PKHD1: variants seen among roughly 807,000 people sequenced by gnomAD.
PKHD1 encodes fibrocystin.
A neutral mutation model predicts 412.0 loss-of-function variants in PKHD1; 291 were observed. That is an observed-to-expected ratio of 0.71 (90% CI 0.64 to 0.78). PKHD1 has a LOEUF of 0.78. Among genes scored for constraint, PKHD1 ranks in the 30% least tolerant of loss-of-function variants. The pLI is 0.00. For synonymous variants in PKHD1, 1,777 were observed against 1,821.5 expected (o/e 0.98, Z 0.62); for missense variants, 4,825 against 4,950.7 (o/e 0.97, Z 0.76).
intron 52 of PKHD1, among the ~76,000 whole-genome samples, chr6:51,827,760 C>A (rs1462779989): frequency 6.6e-6 from 1 of 152,070 alleles, no homozygotes; most frequent in African/African-American, 2.4e-5. Context: ...TGGAACTTGA[C>A]TTTGGGTTCC....
chr6:51,933,971 T>C (rs963192311), intron 37 of PKHD1, 139 bp downstream of exon 37: 1 of 709,554 alleles, frequency 1.4e-6, no homozygotes, highest in African/African-American at 1.7e-5. Flanking sequence ...GTTTTACTTG[T>C]TATTTAAGGA....
chr6:51,907,308 C>A (rs1583309224), intron 40 of PKHD1, among the ~76,000 whole-genome samples: 1 of 152,126 alleles, frequency 6.6e-6, no homozygotes, highest in East Asian at 1.9e-4. Context: ...CCAAAAAATT[C>A]TAAACTTTAA....
chr6:51,983,639 A>G (rs1000121607), intron 35 of PKHD1, among the ~76,000 whole-genome samples: 16 of 152,248 alleles, frequency 1.1e-4, no homozygotes, highest in African/African-American at 3.9e-4. Flanking sequence ...TGAAGAAAGC[A>G]GGGGGAGGAA....
At chr6:51,968,241 A>AT (rs1279107184) in intron 35 of PKHD1, among the ~76,000 whole-genome samples, 1 of 152,148 alleles carries the variant, frequency 6.6e-6, no homozygotes, top group Non-Finnish European at 1.5e-5. Context: ...GCAAAAAAAA[A>AT]TTTTTTTACA....
chr6:51,922,006 G>T (rs546172273), intron 37 of PKHD1, among the ~76,000 whole-genome samples: 8 of 152,320 alleles, frequency 5.3e-5, no homozygotes, highest in African/African-American at 1.9e-4. Flanking sequence ...GAGGAGAAGA[G>T]GCACTCTGAT....
chr6:51,672,263 C>T (rs1252039066), intron 60 of PKHD1, among the ~76,000 whole-genome samples: 2 of 152,060 alleles, frequency 1.3e-5, no homozygotes, highest in African/African-American at 4.8e-5. Flanking sequence ...CCTACTAAGC[C>T]CAAATCAAAT....
In PKHD1 at chr6:51,807,456, AAAAT is replaced by A. The variant is rs1375100063; in HGVS notation, c.8303-16087_8303-16084del. ...CTGTCTCAAAAAAAAAAAAAAAAAA[AAAAT>A]ATATATATATATATATATATGTATA... On this transcript the variant is annotated intron_variant, in intron 52 of 66. Coordinates refer to ENST00000371117, the MANE Select transcript of PKHD1 (RefSeq NM_138694.4). Among the ~76,000 whole-genome samples the A allele has an allele frequency of 2.8e-4, 13 of 47,182 alleles. 2 individuals carry two copies. Among genetic ancestry groups the A allele is most frequent in the African/African-American group, 9.7e-4 (13 of 13,436 alleles). 31.0% of individuals were successfully genotyped at this position (47,182 alleles called of 152,430 possible). A position where few individuals can be genotyped will look rare whatever the true frequency, so the allele number is the denominator to read the frequency against.
chr6:51,654,514 T>C (rs1330764218), intron 61 of PKHD1, among the ~76,000 whole-genome samples: 1 of 152,094 alleles, frequency 6.6e-6, no homozygotes, highest in Non-Finnish European at 1.5e-5. Context: ...TCACTATGTG[T>C]ACAAATAATT....
intron 52 of PKHD1, among the ~76,000 whole-genome samples, chr6:51,804,441 A>G (rs922571884): frequency 6.7e-6 from 1 of 148,384 alleles, no homozygotes; most frequent in Non-Finnish European, 1.5e-5. Context: ...CATAAAAGGC[A>G]TTCAATTATC....
chr6:51,685,567 T>C (rs374672349), intron 60 of PKHD1, among the ~76,000 whole-genome samples: 3 of 152,252 alleles, frequency 2.0e-5, no homozygotes, highest in African/African-American at 7.2e-5. Flanking sequence ...TATCCCAGTG[T>C]TTCTGAGATT....
chr6:51,659,220 G>A lies in PKHD1; in HGVS notation c.10906C>T (p.Gln3636Ter), dbSNP rs765934021. 6.2e-6 allele frequency: 10 copies of A among 1,613,816 alleles called. No individual in the cohort carries two copies. The South Asian group carries it at 7.7e-5, about 12-fold the overall frequency. ...ATTTCCATCATGAGAGGCCTACGTT[G>A]ACCAACTCTTCTATAATGACTAGTG... ...TCTSHYRRVG[Q>*]RRPLMMEMNS... The change falls in exon 61 of 67, where the codon CAA becomes TAA. Residue 3636 changes from glutamine to a stop codon, truncating the protein, a stop_gained. Transcript: ENST00000371117. LOFTEE classifies it high-confidence loss of function.
At chr6:51,652,226 G>T (rs1365203489) in intron 61 of PKHD1, among the ~76,000 whole-genome samples, 1 of 151,912 alleles carries the variant, frequency 6.6e-6, no homozygotes, top group Non-Finnish European at 1.5e-5. Context: ...GGCTATAGGA[G>T]AAAAGTCAAG....
chr6:51,783,224 G>A (rs1461909218), intron 53 of PKHD1, among the ~76,000 whole-genome samples: 1 of 152,060 alleles, frequency 6.6e-6, no homozygotes, highest in African/African-American at 2.4e-5. Context: ...ACAATGAACT[G>A]CTGTGTCCCC....
At chr6:52,071,123 G>A in intron 8 of PKHD1, 53 bp from the exon 9 acceptor site, 1 of 1,188,846 alleles carries the variant, frequency 8.4e-7, no homozygotes. Flanking sequence ...ACTACCAGAA[G>A]ATCTGACTCT....
intron 60 of PKHD1, among the ~76,000 whole-genome samples, chr6:51,671,788 T>A (rs1014355042): frequency 4.6e-5 from 7 of 152,132 alleles, no homozygotes; most frequent in Non-Finnish European, 7.4e-5. Context: ...CAGCTGCAGG[T>A]CTGTTGGGGT....
chr6:52,048,082 GCCACCA>G (rs1806148471), intron 23 of PKHD1, among the ~76,000 whole-genome samples: 1 of 152,194 alleles, frequency 6.6e-6, no homozygotes, highest in African/African-American at 2.4e-5. Flanking sequence ...AGACATGCTA[GCCACCA>G]CCAGAAGCCA....
intron 53 of PKHD1, among the ~76,000 whole-genome samples, chr6:51,776,408 T>C (rs771469215): frequency 1.3e-5 from 2 of 152,034 alleles, no homozygotes; most frequent in Non-Finnish European, 2.9e-5. Context: ...CTGAATAGAA[T>C]GCACAAGCTG....
chr6:52,063,819 G>A (rs535847389), intron 13 of PKHD1, among the ~76,000 whole-genome samples: 1 of 152,304 alleles, frequency 6.6e-6, no homozygotes, highest in African/African-American at 2.4e-5. Flanking sequence ...GGTTTCCATA[G>A]TAATTCGCCC....
intron 60 of PKHD1, among the ~76,000 whole-genome samples, chr6:51,675,445 A>G (rs537667696): frequency 1.3e-5 from 2 of 152,122 alleles, no homozygotes; most frequent in African/African-American, 4.8e-5. Flanking sequence ...AATTCTGATC[A>G]TTTTTAAATG....
Sources: gnomAD v4.1 joint callset for allele counts (sites outside exome capture counted in the v4.1 genomes callset) on GRCh38, gnomAD v4.1.1 for gene constraint, MANE v1.5 for transcripts, NCBI Gene and HGNC (gene_info 2026-07-23, HGNC 2026-07-21) for gene names.